The following LRRC43 variants were observed in gnomAD, a reference collection of about 807,000 sequenced individuals.
LRRC43 encodes the protein leucine rich repeat containing 43.
A neutral mutation model predicts 64.3 loss-of-function variants in LRRC43; 62 were observed. That is an observed-to-expected ratio of 0.96 (90% confidence interval 0.79 to 1.19). The LOEUF (loss-of-function observed/expected upper bound fraction) is 1.19, where lower values mean the gene tolerates loss of function less well. Ranked by LOEUF, LRRC43 falls within the 50% of genes most tolerant of loss-of-function variation. The pLI is 0.00. For missense variants in LRRC43, 868 were observed against 845.0 expected (o/e 1.03, Z -0.34); for synonymous variants, 422 against 382.3 (o/e 1.10, Z -1.21).
intron 7 of LRRC43, among the ~76,000 whole-genome samples, chr12:122,198,164 A>G (rs947539755): frequency 1.1e-4 from 16 of 152,036 alleles, no homozygotes; most frequent in African/African-American, 3.9e-4. Context: ...TATTTTTAGT[A>G]GAGACAGGGT....
intron 1 of LRRC43, chr12:122,174,030 C>T (rs1346367274): frequency 1.2e-6 from 2 of 1,613,118 alleles, no homozygotes; most frequent in African/African-American, 1.3e-5. Flanking sequence ...ATACATCACA[C>T]ACCCCTGCCC....
In LRRC43 at chr12:122,200,702, C is replaced by G. The variant is rs756825212; in HGVS notation, c.1620+42C>G. 3 of 1,613,176 alleles carry G rather than the reference C, an allele frequency of 1.9e-6. No homozygotes were observed. Among genetic ancestry groups the G allele is most frequent in the South Asian group, 1.1e-5 (1 of 91,052 alleles). Reference sequence around the variant, plus strand: ...CTGGGGAGGGCAGCCTGGCCACACCCTTGCTTCAACTTGTCCCACCCTCCT... The same window carrying G: ...CTGGGGAGGGCAGCCTGGCCACACCGTTGCTTCAACTTGTCCCACCCTCCT... On this transcript the variant is annotated intron_variant, in intron 9 of 11. Transcript: ENST00000339777. This position sits in a 1 kb window ranked among gnomAD's most constrained non-coding sequence, Gnocchi z 4.6.
intron 1 of LRRC43, among the ~76,000 whole-genome samples, chr12:122,174,779 C>T (rs1291085358): frequency 6.6e-6 from 1 of 152,150 alleles, no homozygotes; most frequent in African/African-American, 2.4e-5. Flanking sequence ...TCTGCAATCT[C>T]AGGGCCCAGA....
At chr12:122,176,525 CTTTTG>C (rs144118581) in intron 1 of LRRC43, among the ~76,000 whole-genome samples, 1 of 147,906 alleles carries the variant, frequency 6.8e-6, no homozygotes, top group African/African-American at 2.5e-5. Context: ...ATTGTTTTGT[CTTTTG>C]TTTTGTTTTT....
chr12:122,183,794 G>T (rs1257579937), intron 1 of LRRC43, among the ~76,000 whole-genome samples: 2 of 152,118 alleles, frequency 1.3e-5, no homozygotes, highest in African/African-American at 4.8e-5. Context: ...GCCCAGGTGT[G>T]GCCCAGGAAG....
rs748900768 is a variant in LRRC43, at chr12:122,187,720, A to G, written c.542A>G (p.Asn181Ser). ...PTLKVLELYG[N>S]EISSMECLCA... ...TCCCAGGTGCTGGAGCTCTACGGCA[A>G]TGAGATCAGCAGCATGGAGTGTCTG... is the stretch of plus-strand genomic sequence containing the variant. The change falls in exon 4 of 12, where the codon AAT becomes AGT. Residue 181 changes from asparagine to serine, a missense_variant. Asn to Ser is a conservative substitution (Grantham distance 46). Coordinates refer to ENST00000339777, the MANE Select transcript of LRRC43 (RefSeq NM_001098519.2). 5 of 1,613,720 alleles carry G rather than the reference A, an allele frequency of 3.1e-6. No individual in the cohort carries two copies. The highest frequency in any genetic ancestry group is 2.2e-5 in the East Asian group (1 of 44,882).
At chr12:122,182,476 C>T (rs189012829), upstream of LRRC43, among the ~76,000 whole-genome samples, 240 of 140,614 alleles carry the variant, frequency 1.7e-3, 2 homozygotes, top group African/African-American at 5.7e-3. Flanking sequence ...GAGCCGAGAT[C>T]GCGCCATTGC....
At chr12:122,196,295 T>G (rs1435873298) in intron 7 of LRRC43, among the ~76,000 whole-genome samples, 1 of 152,270 alleles carries the variant, frequency 6.6e-6, no homozygotes, top group Non-Finnish European at 1.5e-5. Context: ...TATTTTAAAT[T>G]GTCTTAAGTT....
chr12:122,197,606 C>G (rs1953785271), intron 7 of LRRC43, among the ~76,000 whole-genome samples: 2 of 152,144 alleles, frequency 1.3e-5, no homozygotes, highest in Admixed American at 6.5e-5. Flanking sequence ...ACCATTTAAA[C>G]TGTTTCTCAC....
chr12:122,182,328 A>C (rs935018099), upstream of LRRC43, among the ~76,000 whole-genome samples: 7 of 152,138 alleles, frequency 4.6e-5, no homozygotes, highest in Admixed American at 1.3e-4. Context: ...GTTCGAGACC[A>C]GCCTGGCCAA....
chr12:122,190,010 G>C, intron 4 of LRRC43, 120 bp from the exon 5 acceptor site: 1 of 834,176 alleles, frequency 1.2e-6, no homozygotes, highest in Non-Finnish European at 2.0e-6. Context: ...TAGGACAGGG[G>C]TGCAGGCCGT....
chr12:122,193,102 G>A, intron 7 of LRRC43, 98 bp downstream of exon 7: 8 of 1,322,656 alleles, frequency 6.0e-6, no homozygotes, highest in East Asian at 2.5e-5. Flanking sequence ...TGAGGCTGGC[G>A]GGGCGCGGTG....
At chr12:122,188,411 T>A (rs1273269802) in intron 4 of LRRC43, among the ~76,000 whole-genome samples, 1 of 148,806 alleles carries the variant, frequency 6.7e-6, no homozygotes, top group Non-Finnish European at 1.5e-5. Context: ...CCGGCCTAAT[T>A]TTTTTATTTT....
chr12:122,189,976 C>A, intron 4 of LRRC43, 154 bp from the exon 5 acceptor site: 2 of 704,160 alleles, frequency 2.8e-6, no homozygotes, highest in Non-Finnish European at 2.5e-6. Context: ...TCGTTCCCGA[C>A]CCGGGGTTAA....
chr12:122,182,322 G>A (rs922266455), upstream of LRRC43, among the ~76,000 whole-genome samples: 1 of 152,034 alleles, frequency 6.6e-6, no homozygotes, highest in Admixed American at 6.6e-5. Context: ...TCAGGAGTTC[G>A]AGACCAGCCT....
chr12:122,199,548 C>G (rs536373693), intron 7 of LRRC43, among the ~76,000 whole-genome samples: 17 of 151,798 alleles, frequency 1.1e-4, no homozygotes, highest in Admixed American at 5.2e-4. Flanking sequence ...TCCCAAAGTG[C>G]TGGGATTACA....
chr12:122,176,514 A>C (rs1355115169), intron 1 of LRRC43, among the ~76,000 whole-genome samples: 2 of 117,426 alleles, frequency 1.7e-5, no homozygotes, highest in Non-Finnish European at 3.5e-5. Context: ...TTCTTTTCTT[A>C]ATTGTTTTGT....
chr12:122,193,049 G>A, intron 7 of LRRC43, 45 bp downstream of exon 7: 1 of 1,598,220 alleles, frequency 6.3e-7, no homozygotes, highest in Non-Finnish European at 8.5e-7. Flanking sequence ...AGAGCAGTAG[G>A]GTCACGAGCC....
intron 7 of LRRC43, among the ~76,000 whole-genome samples, chr12:122,198,382 A>T (rs937504901): frequency 1.3e-4 from 20 of 152,106 alleles, no homozygotes; most frequent in Admixed American, 1.2e-3. Flanking sequence ...ACCACAGTCT[A>T]ATTCCAGAAC....
Sources: allele counts gnomAD v4.1 joint callset (sites outside exome capture counted in the v4.1 genomes callset), GRCh38; gene constraint gnomAD v4.1.1; non-coding constraint Gnocchi (gnomAD v3.1); transcripts MANE v1.5; gene names NCBI Gene and HGNC (gene_info 2026-07-23, HGNC 2026-07-21).